Variants in SMYD3 observed in about 807,000 individuals in gnomAD.
SMYD3 encodes SET and MYND domain containing 3.
In SMYD3, 36 loss-of-function variants were observed where a neutral mutation model predicts 57.7. The ratio of observed to expected loss-of-function variants is 0.62; its 90% CI spans 0.48 to 0.82. SMYD3 has a LOEUF of 0.82. SMYD3 is among the 40% of genes least tolerant of loss of function. SMYD3 has a pLI of 0.00. For synonymous variants in SMYD3, 211 were observed against 195.0 expected, an observed-to-expected ratio of 1.08 and a Z score of -0.68; for missense variants, 515 against 538.8, an observed-to-expected ratio of 0.96 and a Z score of 0.44.
intron 5 of SMYD3, among the ~76,000 whole-genome samples, chr1:246,000,867 C>T (rs1416075736): frequency 6.6e-6 from 1 of 152,202 alleles, no homozygotes; most frequent in Non-Finnish European, 1.5e-5. Flanking sequence ...CACATCTTGA[C>T]TTATGACATA....
intron 5 of SMYD3, among the ~76,000 whole-genome samples, chr1:246,118,937 G>C (rs1018690542): frequency 2.0e-5 from 3 of 151,586 alleles, no homozygotes; most frequent in Admixed American, 6.6e-5. Flanking sequence ...ACAACCAAAA[G>C]AAAGATTGAC....
chr1:246,166,049 C>T (rs1360984047), intron 5 of SMYD3, among the ~76,000 whole-genome samples: 1 of 152,110 alleles, frequency 6.6e-6, no homozygotes. Context: ...CCATTACCTA[C>T]ACCAGACAAA....
At chr1:246,149,256 A>C (rs2148148103) in intron 5 of SMYD3, among the ~76,000 whole-genome samples, 1 of 152,338 alleles carries the variant, frequency 6.6e-6, no homozygotes, top group Admixed American at 6.5e-5. Context: ...GAGATGCAGA[A>C]ATGTTGAGTG....
intron 5 of SMYD3, among the ~76,000 whole-genome samples, chr1:246,292,520 T>TA (rs1439859707): frequency 1.3e-5 from 2 of 152,252 alleles, no homozygotes; most frequent in African/African-American, 4.8e-5. Flanking sequence ...ACCAGTATCT[T>TA]AGACTTACTA....
At chr1:245,801,817 T>C (rs1287780710) in intron 10 of SMYD3, among the ~76,000 whole-genome samples, 2 of 151,336 alleles carry the variant, frequency 1.3e-5, no homozygotes, top group African/African-American at 2.4e-5. Context: ...AGCATGTAGC[T>C]TTAAAAAAAC....
chr1:246,039,455 G>A (rs1267644212), intron 5 of SMYD3, among the ~76,000 whole-genome samples: 1 of 152,292 alleles, frequency 6.6e-6, no homozygotes, highest in East Asian at 1.9e-4. Flanking sequence ...AAGTGGCAAA[G>A]GCTTTGGGGA....
chr1:246,223,359 A>C (rs2063284201), intron 5 of SMYD3, among the ~76,000 whole-genome samples: 1 of 152,092 alleles, frequency 6.6e-6, no homozygotes, highest in African/African-American at 2.4e-5. Context: ...AGAATTAATC[A>C]AGAGCGATGC....
chr1:245,869,188 C>T (rs2052038865), intron 8 of SMYD3, among the ~76,000 whole-genome samples: 1 of 152,056 alleles, frequency 6.6e-6, no homozygotes, highest in Non-Finnish European at 1.5e-5. Flanking sequence ...TGGAAACATT[C>T]ATTTTACATT....
rs1395362554 is a variant in SMYD3 at position 246,247,412 on chromosome 1, T to A, written c.531+79789A>T. The stretch of plus-strand genomic sequence containing the variant: ...ACAGACTACCAGGACAGATTTTGCC[T>A]CTAGCACTGTGGTTTAAGAAAGAGA... On this transcript the variant is annotated intron_variant, in intron 5 of 11. Coordinates refer to ENST00000490107, the MANE Select transcript of SMYD3 (RefSeq NM_001167740.2). Among the ~76,000 whole-genome samples the A allele has an allele frequency of 4.1e-5, 4 of 96,574 alleles. No homozygotes were observed. The East Asian group carries it at 4.6e-3, about 111-fold the overall frequency. The allele number at this position is 96,574 out of a possible 152,430, so 63.4% of individuals were successfully genotyped here. A position where few individuals can be genotyped will look rare whatever the true frequency, so the allele number is the denominator to read the frequency against.
At chr1:245,936,330 T>C (rs2056977758) in intron 5 of SMYD3, among the ~76,000 whole-genome samples, 1 of 151,652 alleles carries the variant, frequency 6.6e-6, no homozygotes, top group African/African-American at 2.4e-5. Flanking sequence ...GAAAAAATGT[T>C]AGGAGGAGAA....
At chr1:246,023,346 T>C (rs1044343673) in intron 5 of SMYD3, among the ~76,000 whole-genome samples, 2 of 152,152 alleles carry the variant, frequency 1.3e-5, no homozygotes, top group African/African-American at 4.8e-5. Flanking sequence ...AGAGATGAGA[T>C]AATATAGCTA....
chr1:245,853,887 C>G (rs887113196), intron 10 of SMYD3, among the ~76,000 whole-genome samples: 1 of 152,148 alleles, frequency 6.6e-6, no homozygotes, highest in Non-Finnish European at 1.5e-5. Context: ...TTTCTGACAA[C>G]AAAGCACAGA....
chr1:245,775,749 A>G lies in SMYD3; in HGVS notation c.1077-11600T>C, dbSNP rs575475871. On this transcript the variant is annotated intron_variant, in intron 10 of 11. Transcript: ENST00000490107. Reference sequence around the variant, plus strand: ...AAAAAAATAAAAAAAATAAATGGATAAATTGTAAGCTGTATAAACTGTCTC... The same window carrying G: ...AAAAAAATAAAAAAAATAAATGGATGAATTGTAAGCTGTATAAACTGTCTC... Among the ~76,000 whole-genome samples the G allele has an allele frequency of 3.4e-4, 52 of 152,178 alleles. No individual in the cohort carries two copies. The East Asian group carries it at 9.1e-3, about 27-fold the overall frequency.
chr1:246,477,146 T>C (rs937799239), intron 1 of SMYD3, among the ~76,000 whole-genome samples: 10 of 152,230 alleles, frequency 6.6e-5, no homozygotes, highest in African/African-American at 1.7e-4. Context: ...TCATTTCTCT[T>C]TCTCAAATTC....
intron 5 of SMYD3, among the ~76,000 whole-genome samples, chr1:246,021,310 G>A (rs1305360683): frequency 1.3e-5 from 2 of 152,160 alleles, no homozygotes; most frequent in African/African-American, 4.8e-5. Context: ...ATGTCTTTTT[G>A]TTTGAGTACA....
chr1:245,850,927 C>A (rs9662165), intron 10 of SMYD3, among the ~76,000 whole-genome samples: 39,496 of 151,894 alleles, frequency 0.26, 8,549 homozygotes, highest in East Asian at 0.59. Flanking sequence ...CTTCTGGGTA[C>A]CCTTCCAGCT....
intron 10 of SMYD3, among the ~76,000 whole-genome samples, chr1:245,801,974 G>A (rs1256466675): frequency 6.7e-6 from 1 of 150,122 alleles, no homozygotes; most frequent in Non-Finnish European, 1.5e-5. Context: ...ATATAATAAC[G>A]CCATTTGTAG....
At chr1:246,446,527 T>C (rs1452378445) in intron 1 of SMYD3, among the ~76,000 whole-genome samples, 1 of 152,098 alleles carries the variant, frequency 6.6e-6, no homozygotes, top group African/African-American at 2.4e-5. Context: ...ATATTAGAGG[T>C]GCTGTTTTTC....
intron 5 of SMYD3, among the ~76,000 whole-genome samples, chr1:246,007,452 G>A (rs948572147): frequency 6.6e-6 from 1 of 152,042 alleles, no homozygotes; most frequent in Non-Finnish European, 1.5e-5. Flanking sequence ...TGGCACTTTG[G>A]GTTTCATGTA....
Sources: gnomAD v4.1 joint callset for allele counts (sites outside exome capture counted in the v4.1 genomes callset) on GRCh38, gnomAD v4.1.1 for gene constraint, MANE v1.5 for transcripts, NCBI Gene and HGNC (gene_info 2026-07-23, HGNC 2026-07-21) for gene names.